NFILZ: variants seen among roughly 807,000 people sequenced by gnomAD.
The protein encoded by NFILZ is NFIL3 like protein.
Position 8,668,933 on chromosome 19 carries a change from G to A in NFILZ, c.-163-5618G>A, listed in dbSNP as rs189303103. The stretch of plus-strand genomic sequence containing the variant: ...GATAGTACAGAGTGTGGCCGGAGAA[G>A]TCCAGTGGGAGAGGATTCTTTTATT... On this transcript the variant is annotated intron_variant, in intron 3 of 5. Coordinates refer to ENST00000691075, the MANE Select transcript of NFILZ (RefSeq NM_001378600.1). Among the ~76,000 whole-genome samples, 9 of 152,228 alleles carry A rather than the reference G, an allele frequency of 5.9e-5. No homozygotes were observed. In the East Asian group the frequency reaches 1.7e-3, roughly 29 times the overall value.
chr19:8,652,288 A>G (rs559827759), intron 3 of NFILZ, among the ~76,000 whole-genome samples: 4 of 152,224 alleles, frequency 2.6e-5, no homozygotes, highest in Non-Finnish European at 5.9e-5. Context: ...TACTTTTAGT[A>G]GAGACGGGGT....
intron 3 of NFILZ, among the ~76,000 whole-genome samples, chr19:8,637,379 T>C (rs2042899291): frequency 6.6e-6 from 1 of 151,762 alleles, no homozygotes. Flanking sequence ...AAAGTTACCA[T>C]AGAACTCAGC....
Position 8,663,742 on chromosome 19 carries a change from G to GTGTGTATGTGTGTGTA in NFILZ, c.-163-10804_-163-10803insATGTGTGTGTATGTGT, listed in dbSNP as rs2043046205. On this transcript the variant is annotated intron_variant, in intron 3 of 5. Coordinates refer to ENST00000691075, the MANE Select transcript of NFILZ (RefSeq NM_001378600.1). ...TGTGTTTGTGTGTGTGTGTGTGTGT[G>GTGTGTATGTGTGTGTA]TGTGTGTGTGTGTGTGTGTGTGTGT... 6.0e-5 allele frequency among the ~76,000 whole-genome samples: 5 copies of GTGTGTATGTGTGTGTA among 83,906 alleles called. 1 individual carries two copies. Among genetic ancestry groups the GTGTGTATGTGTGTGTA allele is most frequent in the African/African-American group, 2.0e-4 (3 of 15,296 alleles). 55.0% of individuals were successfully genotyped at this position (83,906 alleles called of 152,430 possible).
chr19:8,672,833 G>A (rs2043094708), intron 3 of NFILZ, among the ~76,000 whole-genome samples: 1 of 152,186 alleles, frequency 6.6e-6, no homozygotes, highest in Non-Finnish European at 1.5e-5. Context: ...GAGGTGAATT[G>A]AGGAACATAT....
intron 3 of NFILZ, among the ~76,000 whole-genome samples, chr19:8,663,763 T>TGTGC (rs1600152009): frequency 6.6e-6 from 1 of 151,088 alleles, no homozygotes; most frequent in East Asian, 1.9e-4. Flanking sequence ...TGTGTGTGTG[T>TGTGC]GTGTGTGTAT....
chr19:8,662,683 C>A (rs1332131586), intron 3 of NFILZ, among the ~76,000 whole-genome samples: 1 of 150,094 alleles, frequency 6.7e-6, no homozygotes, highest in Non-Finnish European at 1.5e-5. Context: ...TGTTGCCAGT[C>A]TGGTGTGCAG....
At chr19:8,664,159 C>T (rs1250874271) in intron 3 of NFILZ, among the ~76,000 whole-genome samples, 2 of 152,126 alleles carry the variant, frequency 1.3e-5, no homozygotes, top group African/African-American at 4.8e-5. Context: ...CCTTGGAGCT[C>T]GGGTGTCCAA....
intron 3 of NFILZ, among the ~76,000 whole-genome samples, chr19:8,665,151 C>T (rs1188573872): frequency 5.3e-5 from 8 of 152,276 alleles, no homozygotes; most frequent in Non-Finnish European, 1.5e-5. Flanking sequence ...TGGAATCCCA[C>T]TGGGTCCTGG....
At chr19:8,656,219 A>ACCTTCTCCCAGAAACCCTCCTG (rs1555748304) in intron 3 of NFILZ, among the ~76,000 whole-genome samples, 2 of 132,984 alleles carry the variant, frequency 1.5e-5, no homozygotes, top group Non-Finnish European at 3.4e-5. Flanking sequence ...CCTGCAGCCC[A>ACCTTCTCCCAGAAACCCTCCTG]CCTTCTCCCA....
At position 8,680,057 on chromosome 19, in the gene NFILZ, A is replaced by G. The variant is rs1254741175; in HGVS notation, c.*2422A>G. On this transcript the variant is annotated 3_prime_UTR_variant, in exon 6 of 6. Coordinates refer to ENST00000691075, the MANE Select transcript of NFILZ (RefSeq NM_001378600.1). ...GTAAAAATACAAAAATTAGCCGGGCATGGTAGCGAGCGCCTGTAATCTCAG... is the reference window on the plus strand; with the variant it reads ...GTAAAAATACAAAAATTAGCCGGGCGTGGTAGCGAGCGCCTGTAATCTCAG... Among the ~76,000 whole-genome samples, 1 of 151,996 alleles carries G rather than the reference A, an allele frequency of 6.6e-6. No individual in the cohort carries two copies.
intron 3 of NFILZ, among the ~76,000 whole-genome samples, chr19:8,644,285 G>A (rs2042930244): frequency 6.6e-6 from 1 of 151,990 alleles, no homozygotes; most frequent in Non-Finnish European, 1.5e-5. Context: ...ACTTTTAGTA[G>A]AGACAGGGTT....
intron 3 of NFILZ, among the ~76,000 whole-genome samples, 162 bp downstream of exon 3, chr19:8,635,908 C>T (rs2042892212): frequency 6.6e-6 from 1 of 152,106 alleles, no homozygotes; most frequent in African/African-American, 2.4e-5. Context: ...GCAGTCTTGG[C>T]TCATTGCCAC....
intron 3 of NFILZ, among the ~76,000 whole-genome samples, chr19:8,663,707 G>T (rs994886999): frequency 2.0e-5 from 1 of 50,116 alleles, no homozygotes; most frequent in Non-Finnish European, 4.0e-5. Flanking sequence ...AACAAGGTGT[G>T]GTGTGTGTGT....
chr19:8,663,627 T>C (rs1462309287), intron 3 of NFILZ, among the ~76,000 whole-genome samples: 1 of 151,978 alleles, frequency 6.6e-6, no homozygotes, highest in Non-Finnish European at 1.5e-5. Flanking sequence ...GGGAGGTAAA[T>C]GTCCCACGAA....
chr19:8,657,191 C>CTGGA (rs2043008442), intron 3 of NFILZ, among the ~76,000 whole-genome samples: 1 of 151,442 alleles, frequency 6.6e-6, no homozygotes, highest in African/African-American at 2.4e-5. Context: ...TGTCACCAGG[C>CTGGA]TGGAGTACAG....
intron 3 of NFILZ, among the ~76,000 whole-genome samples, chr19:8,649,922 C>G (rs2042957635): frequency 6.6e-6 from 1 of 151,776 alleles, no homozygotes; most frequent in Non-Finnish European, 1.5e-5. Context: ...CGACACCAGC[C>G]TGCCTAACAT....
chr19:8,632,083 G>A (rs1468660135), intron 1 of NFILZ, among the ~76,000 whole-genome samples: 1 of 151,986 alleles, frequency 6.6e-6, no homozygotes, highest in African/African-American at 2.4e-5. Context: ...TGGTCAGGCT[G>A]GTCTCGAACT....
intron 3 of NFILZ, among the ~76,000 whole-genome samples, chr19:8,670,720 C>T (rs1206180101): frequency 2.0e-5 from 3 of 152,076 alleles, no homozygotes; most frequent in Admixed American, 6.5e-5. Context: ...CATGGCCAGG[C>T]GCTCTGGCTC....
rs113351298 is a variant in NFILZ at position 8,645,594 on chromosome 19, G to T, written c.-164+9848G>T. Among the ~76,000 whole-genome samples, 944 of 152,296 alleles carry T rather than the reference G, an allele frequency of 6.2e-3. 14 individuals are homozygous for T. The highest frequency in any genetic ancestry group is 0.021 in the African/African-American group (879 of 41,550). ...GAGCCAATGAGAGGCAAGGACATTT[G>T]CTGGGGATTCTGGGAAAGTACACCT... On this transcript the variant is annotated intron_variant, in intron 3 of 5. Coordinates refer to ENST00000691075, the MANE Select transcript of NFILZ (RefSeq NM_001378600.1).
Sources: gnomAD v4.1 joint callset for allele counts (sites outside exome capture counted in the v4.1 genomes callset) on GRCh38, gnomAD v4.1.1 for gene constraint, MANE v1.5 for transcripts, NCBI Gene and HGNC (gene_info 2026-07-23, HGNC 2026-07-21) for gene names.